The following ART3 variants were observed in gnomAD, a reference collection of about 807,000 sequenced individuals.
ART3 encodes ecto-ADP-ribosyltransferase 3.
Under a neutral mutation model 48.5 loss-of-function variants are expected in ART3, and 49 were observed. The observed-to-expected ratio is 1.01, with a 90% CI of 0.80 to 1.28. The LOEUF (loss-of-function observed/expected upper bound fraction) is 1.28. ART3 is among the 50% of genes most tolerant of loss of function. The pLI is 0.00. For missense variants in ART3, 438 were observed against 454.3 expected (o/e 0.96, Z 0.33); for synonymous variants, 145 against 157.2 (o/e 0.92, Z 0.58).
intron 1 of ART3, among the ~76,000 whole-genome samples, chr4:76,012,827 A>G (rs1731923084): frequency 6.6e-6 from 1 of 152,210 alleles, no homozygotes; most frequent in South Asian, 2.1e-4. Flanking sequence ...TTATCCTGAA[A>G]AGAAAACATG....
At chr4:76,054,907 A>G (rs1162529997) in intron 1 of ART3, among the ~76,000 whole-genome samples, 1 of 152,224 alleles carries the variant, frequency 6.6e-6, no homozygotes, top group Non-Finnish European at 1.5e-5. Flanking sequence ...TTTCCTTGTA[A>G]TGAAAAGCCA....
rs982419214 is a variant in ART3, at chr4:76,047,210, T to C, written c.-9-28671T>C. Reference sequence around the variant, plus strand: ...CTGATAACAAGCCCTACCAGGTGATTGGCCTGCTCCATTTTCTGTCCTCTC... The same window carrying C: ...CTGATAACAAGCCCTACCAGGTGATCGGCCTGCTCCATTTTCTGTCCTCTC... On this transcript the variant is annotated intron_variant, in intron 1 of 9. Coordinates refer to the ART3 transcript ENST00000341029. Among the ~76,000 whole-genome samples the C allele has an allele frequency of 3.9e-5, 6 of 152,032 alleles. 1 individual carries two copies. The highest frequency in any genetic ancestry group is 7.2e-5 in the African/African-American group (3 of 41,442).
chr4:76,105,985 T>C, intron 10 of ART3: 1 of 985,416 alleles, frequency 1.0e-6, no homozygotes, highest in Non-Finnish European at 1.2e-6. Context: ...CTAGATTTTG[T>C]TGGGACTACA....
chr4:76,058,258 A>G (rs1375765101), intron 1 of ART3, among the ~76,000 whole-genome samples: 2 of 152,216 alleles, frequency 1.3e-5, no homozygotes, highest in Admixed American at 6.5e-5. Flanking sequence ...ACTGTCAGCT[A>G]TTGTAACAAT....
chr4:76,103,879 A>G, intron 8 of ART3, 58 bp from the exon 9 acceptor site: 1 of 1,417,126 alleles, frequency 7.1e-7, no homozygotes, highest in Non-Finnish European at 9.7e-7. Context: ...ACAAAAGAAG[A>G]GTATTAACAG....
chr4:76,045,966 G>C (rs781268545), intron 1 of ART3, among the ~76,000 whole-genome samples: 14 of 152,026 alleles, frequency 9.2e-5, no homozygotes, highest in Non-Finnish European at 1.5e-4. Context: ...TGTAGGCAAA[G>C]CTGGGCCTTC....
chr4:76,018,183 A>C (rs556750778), intron 1 of ART3, among the ~76,000 whole-genome samples: 1 of 152,346 alleles, frequency 6.6e-6, no homozygotes, highest in East Asian at 1.9e-4. Context: ...TAGCAAAGAT[A>C]TGGAACCAAC....
At position 76,082,222 on chromosome 4, in the gene ART3, T is replaced by G; in HGVS notation, c.468T>G (p.Ser156Arg). Residue 156 changes from serine (S) to arginine (R), a missense_variant, in exon 3 of 12, where the codon AGT becomes AGG. By Grantham distance (110) the Ser-to-Arg change is moderately radical. Coordinates refer to ENST00000355810, the MANE Select transcript of ART3 (RefSeq NM_001130016.3). ...LQLLRKPCEASSKTVVYRTSQ... is the reference protein window; with the variant it reads ...LQLLRKPCEARSKTVVYRTSQ... Reference sequence around the variant, plus strand: ...TGCTGAGAAAACCTTGTGAGGCCAGTTCCAAAACTGTGGTATATAGAACAA... The same window carrying G: ...TGCTGAGAAAACCTTGTGAGGCCAGGTCCAAAACTGTGGTATATAGAACAA... 1.2e-6 allele frequency: 2 copies of G among 1,614,190 alleles called. No individual in the cohort carries two copies. Among genetic ancestry groups the G allele is most frequent in the Non-Finnish European group, 1.7e-6 (2 of 1,180,046 alleles).
chr4:76,011,228 A>G (rs905030928), exon 1 of ART3: 11 of 152,570 alleles, frequency 7.2e-5, no homozygotes, highest in African/African-American at 2.2e-4. Flanking sequence ...GGAGGTCTCG[A>G]CGCTCGCTCG....
intron 1 of ART3, chr4:76,022,498 G>A (rs762097270): frequency 2.5e-6 from 4 of 1,577,118 alleles, no homozygotes; most frequent in African/African-American, 2.7e-5. Flanking sequence ...AACTGTGTTG[G>A]GTCAATAAAA....
Position 76,014,695 on chromosome 4 carries a change from A to G in ART3, c.-10+3375A>G, listed in dbSNP as rs146531337. On this transcript the variant is annotated intron_variant, in intron 1 of 9. Coordinates refer to the ART3 transcript ENST00000341029. ...AAACGTATGAATCTGCGTGACTCCA[A>G]GAAGCTCAGTGAACTCCAAGCAAGT... 5.0e-3 allele frequency among the ~76,000 whole-genome samples: 767 copies of G among 152,256 alleles called. 10 individuals carry two copies. The highest frequency in any genetic ancestry group is 6.0e-3 in the Non-Finnish European group (405 of 67,988).
intron 1 of ART3, among the ~76,000 whole-genome samples, chr4:76,020,517 AAGT>A: frequency 6.6e-6 from 1 of 152,344 alleles, no homozygotes; most frequent in Non-Finnish European, 1.5e-5. Context: ...GGAGAGGAAG[AAGT>A]AGTATAGAAT....
chr4:76,048,008 C>T (rs1235021771), intron 1 of ART3, among the ~76,000 whole-genome samples: 1 of 151,942 alleles, frequency 6.6e-6, no homozygotes, highest in African/African-American at 2.4e-5. Flanking sequence ...CCTCCCCCTA[C>T]AGCTTGAAGG....
Position 76,048,617 on chromosome 4 carries a change from C to T in ART3, c.-9-27264C>T, listed in dbSNP as rs181783599. Among the ~76,000 whole-genome samples, 10 of 152,092 alleles carry T rather than the reference C, an allele frequency of 6.6e-5. 1 individual carries two copies. The highest frequency in any genetic ancestry group is 1.9e-4 in the East Asian group (1 of 5,184). On this transcript the variant is annotated intron_variant, in intron 1 of 9. Transcript: ENST00000341029. ...CAGAAACAACCCCTGCCCAAGAACCCGCAACAGTCTCTGGACCCTGCTGAT... is the reference window on the plus strand; with the variant it reads ...CAGAAACAACCCCTGCCCAAGAACCTGCAACAGTCTCTGGACCCTGCTGAT...
At chr4:76,036,993 G>T in intron 1 of ART3, 1 of 180,082 alleles carries the variant, frequency 5.6e-6, no homozygotes, top group Non-Finnish European at 1.2e-5. Context: ...GGCTGTGCCT[G>T]GGCTTGCTCA....
At chr4:76,111,692 G>A (rs946447887) in intron 11 of ART3, among the ~76,000 whole-genome samples, 52 of 152,100 alleles carry the variant, frequency 3.4e-4, no homozygotes, top group Admixed American at 3.3e-3. Context: ...ACAGGCGCCC[G>A]CCACCACGCC....
chr4:76,102,936 T>TG (rs1727662218), intron 8 of ART3, among the ~76,000 whole-genome samples: 1 of 152,118 alleles, frequency 6.6e-6, no homozygotes, highest in Admixed American at 6.6e-5. Context: ...GGAGAGATTC[T>TG]GGGTCACTAG....
chr4:76,039,932 C>T (rs921886867), intron 1 of ART3, among the ~76,000 whole-genome samples: 10 of 152,172 alleles, frequency 6.6e-5, no homozygotes, highest in African/African-American at 2.4e-4. Flanking sequence ...TGCTGGGAGT[C>T]TTGGAATGTA....
chr4:76,030,159 C>T (rs912977511), intron 1 of ART3, among the ~76,000 whole-genome samples: 4 of 152,154 alleles, frequency 2.6e-5, no homozygotes, highest in Non-Finnish European at 5.9e-5. Context: ...CGGGTTCAAG[C>T]GATTCTCCTG....
Sources: allele counts gnomAD v4.1 joint callset (sites outside exome capture counted in the v4.1 genomes callset), GRCh38; gene constraint gnomAD v4.1.1; transcripts MANE v1.5; gene names NCBI Gene and HGNC (gene_info 2026-07-23, HGNC 2026-07-21).